The following ANKRD36B variants were observed in gnomAD, a reference collection of about 807,000 sequenced individuals.
ANKRD36B encodes the protein ankyrin repeat domain 36B, also known as ankyrin repeat domain-containing protein 36B.
Under a neutral mutation model 135.7 loss-of-function variants are expected in ANKRD36B, and 37 were observed. The observed-to-expected ratio is 0.27, with a 90% CI of 0.21 to 0.36. ANKRD36B has a LOEUF of 0.36. ANKRD36B is among the 10% of genes least tolerant of loss of function. The pLI is 1.00. For synonymous variants in ANKRD36B, 179 were observed against 348.1 expected (o/e 0.51, Z 5.41); for missense variants, 549 against 1,037.1 (o/e 0.53, Z 6.46).
Position 97,578,960 on chromosome 2 carries a change from C to T in ANKRD36B, c.641G>A (p.Arg214Gln), listed in dbSNP as rs767068381. 1.4e-5 allele frequency: 23 copies of T among 1,612,844 alleles called. No homozygotes were observed. Among genetic ancestry groups the T allele is most frequent in the African/African-American group, 5.3e-5 (4 of 74,840 alleles). The change falls in exon 5 of 44, where the codon CGA becomes CAA. Residue 214 changes from arginine to glutamine, a missense_variant. Transcript: ENST00000359901. ...TTCTGCAAGCTTTCCATACACATCT[C>T]GAGAAAACACATCAATATTGTGCTG... Reference protein sequence around the residue: ...LLQHNIDVFSRDVYGKLAEDY... With the variant: ...LLQHNIDVFSQDVYGKLAEDY...
chr2:97,547,604 G>C lies in ANKRD36B; in HGVS notation c.1511C>G (p.Thr504Arg), dbSNP rs761403604. The C allele has an allele frequency of 6.4e-7, 1 of 1,573,536 alleles. No homozygotes were observed. The highest frequency in any genetic ancestry group is 1.4e-5 in the African/African-American group (1 of 73,810). Reference protein sequence around the residue: ...SFEQPPGLKATRDEKDSLLNI... With the variant: ...SFEQPPGLKARRDEKDSLLNI... ...CAAAAGAGAATCTTTCTCGTCTCTTGTAGCCTGAATGGAATTTGAAATGAA... is the reference window on the plus strand; with the variant it reads ...CAAAAGAGAATCTTTCTCGTCTCTTCTAGCCTGAATGGAATTTGAAATGAA... The change falls in exon 22 of 44, where the codon ACA becomes AGA. Residue 504 changes from threonine (T) to arginine (R), a missense_variant. Transcript: ENST00000359901.
At position 97,574,380 on chromosome 2, in the gene ANKRD36B, C is replaced by T. The variant is rs371778708; in HGVS notation, c.763+1999G>A. On this transcript the variant is annotated intron_variant, in intron 6 of 43. Coordinates refer to ENST00000359901, the MANE Select transcript of ANKRD36B (RefSeq NM_001393939.1). ...GTTAGAATGGCAATCATTAAAACGTCAGGAAACAACAGGTGCTGGAGAGGA... is the reference window on the plus strand; with the variant it reads ...GTTAGAATGGCAATCATTAAAACGTTAGGAAACAACAGGTGCTGGAGAGGA... Among the ~76,000 whole-genome samples the T allele has an allele frequency of 3.9e-3, 598 of 152,284 alleles. 5 individuals carry two copies. Among genetic ancestry groups the T allele is most frequent in the East Asian group, 0.013 (65 of 5,182 alleles).
rs772619874 is a variant in ANKRD36B at position 97,553,221 on chromosome 2, C to A, written c.1220G>T (p.Gly407Val). 15 of 1,610,774 alleles carry A rather than the reference C, an allele frequency of 9.3e-6. No homozygotes were observed. Among genetic ancestry groups the A allele is most frequent in the Admixed American group, 6.7e-5 (4 of 59,710 alleles). Residue 407 changes from glycine (G) to valine (V), a missense_variant, in exon 16 of 44, where the codon GGT (glycine) becomes GTT (valine). By Grantham distance (109) the Gly-to-Val change is moderately radical. Coordinates refer to ENST00000359901, the MANE Select transcript of ANKRD36B (RefSeq NM_001393939.1). ...QALKATTDEEGSVSNIATEIK... is the reference protein window; with the variant it reads ...QALKATTDEEVSVSNIATEIK... ...TTCTGTGGCTATATTAGAAACAGAA[C>A]CTTCCTCGTCAGTTGTAGCCTGAAT...
Position 97,553,396 on chromosome 2 carries a change from T to G in ANKRD36B, c.1172-25A>C, listed in dbSNP as rs759857801. On this transcript the variant is annotated intron_variant, in intron 14 of 43. Transcript: ENST00000359901. The stretch of plus-strand genomic sequence containing the variant: ...ACTGAAAAGCAAAAGGGATACATAA[T>G]CACTCATATGTAAATATGATACATT... 6 of 1,603,814 alleles carry G rather than the reference T, an allele frequency of 3.7e-6. No individual in the cohort carries two copies. The Admixed American group carries it at 1.0e-4, about 27-fold the overall frequency.
chr2:97,579,110 C>T, intron 4 of ANKRD36B, 67 bp from the exon 5 acceptor site: 1 of 1,392,808 alleles, frequency 7.2e-7, no homozygotes, highest in Admixed American at 2.2e-5. Context: ...TATACTTTAT[C>T]AACTTAACAT....
At chr2:97,581,872 G>A (rs1215407244) in intron 3 of ANKRD36B, among the ~76,000 whole-genome samples, 2 of 151,762 alleles carry the variant, frequency 1.3e-5, no homozygotes, top group African/African-American at 2.4e-5. Flanking sequence ...GTGCCATCTC[G>A]GCTCACTGCA....
intron 14 of ANKRD36B, 81 bp downstream of exon 14, chr2:97,554,979 C>T (rs1023259474): frequency 8.0e-6 from 12 of 1,503,314 alleles, no homozygotes; most frequent in African/African-American, 5.5e-5. Context: ...TTTGATGAGC[C>T]CCCCCACTGA....
At position 97,552,941 on chromosome 2, in the gene ANKRD36B, C is replaced by T. The variant is rs2080193616; in HGVS notation, c.1273+227G>A. Among the ~76,000 whole-genome samples, 5 of 152,010 alleles carry T rather than the reference C, an allele frequency of 3.3e-5. No individual in the cohort carries two copies. The South Asian group carries it at 1.0e-3, about 32-fold the overall frequency. ...ACCTCTCTCCAATATTTCTTCTTCC[C>T]AATTTCAATGTGGGGAAGTGTATAA... is the stretch of plus-strand genomic sequence containing the variant. On this transcript the variant is annotated intron_variant, in intron 16 of 43. Coordinates refer to ENST00000359901, the MANE Select transcript of ANKRD36B (RefSeq NM_001393939.1).
Position 97,551,366 on chromosome 2 carries a change from A to C in ANKRD36B, c.1303-5T>G. Reference sequence around the variant, plus strand: ...ATCTTTCTCATCACTTGTGGCCTGAATGGAATTTGAAACAAAATAATAAAT... The same window carrying C: ...ATCTTTCTCATCACTTGTGGCCTGACTGGAATTTGAAACAAAATAATAAAT... On this transcript the variant is annotated splice_region_variant and splice_polypyrimidine_tract_variant and intron_variant, in intron 17 of 43. Coordinates refer to ENST00000359901, the MANE Select transcript of ANKRD36B (RefSeq NM_001393939.1). 1 of 1,599,092 alleles carries C rather than the reference A, an allele frequency of 6.3e-7. No homozygotes were observed. The highest frequency in any genetic ancestry group is 8.5e-7 in the Non-Finnish European group (1 of 1,175,380).
chr2:97,550,693 C>A (rs548768617), intron 18 of ANKRD36B, among the ~76,000 whole-genome samples: 2 of 151,676 alleles, frequency 1.3e-5, no homozygotes, highest in Admixed American at 6.6e-5. Context: ...GCTTCCAGCA[C>A]TTGCTGGAGT....
chr2:97,553,108 G>A (rs1576962600), intron 16 of ANKRD36B, 60 bp downstream of exon 16: 10 of 1,567,308 alleles, frequency 6.4e-6, no homozygotes, highest in East Asian at 2.3e-5. Context: ...TTTATTAGGG[G>A]TAGAGAAGTT....
intron 22 of ANKRD36B, among the ~76,000 whole-genome samples, chr2:97,546,224 C>T (rs896055646): frequency 1.4e-4 from 21 of 151,726 alleles, no homozygotes; most frequent in Non-Finnish European, 2.7e-4. Context: ...TACATGATCC[C>T]ACATGTCTTT....
In ANKRD36B at chr2:97,527,967, T is replaced by C. The variant is rs1576827941; in HGVS notation, c.2265+4344A>G. On this transcript the variant is annotated intron_variant, in intron 35 of 43. Transcript: ENST00000359901. ...ACAATAATAATGGGAGACTTTAACA[T>C]CCCACTGTCAACATTAGACAGATCA... 2.1e-5 allele frequency among the ~76,000 whole-genome samples: 2 copies of C among 95,274 alleles called. 1 individual carries two copies. The highest frequency in any genetic ancestry group is 4.7e-4 in the East Asian group (2 of 4,266). The allele number at this position is 95,274 out of a possible 152,430, so 62.5% of individuals were successfully genotyped here.
intron 6 of ANKRD36B, among the ~76,000 whole-genome samples, chr2:97,572,907 T>A (rs1453827159): frequency 2.6e-5 from 4 of 151,924 alleles, no homozygotes; most frequent in African/African-American, 9.7e-5. Flanking sequence ...ACTGCTCGTC[T>A]GTAGGCTACT....
Position 97,585,407 on chromosome 2 carries a change from G to C in ANKRD36B, c.162-9C>G. The C allele has an allele frequency of 6.4e-7, 1 of 1,558,896 alleles. No individual in the cohort carries two copies. On this transcript the variant is annotated splice_polypyrimidine_tract_variant and intron_variant, in intron 1 of 43. Transcript: ENST00000359901. The stretch of plus-strand genomic sequence containing the variant: ...CCAAATGTAGGGCAGTCCTGTGAGA[G>C]TGACAGGACTTTTTAAAACATGTAA...
chr2:97,564,140 T>C (rs1368544159), intron 6 of ANKRD36B, among the ~76,000 whole-genome samples: 1 of 151,764 alleles, frequency 6.6e-6, no homozygotes, highest in African/African-American at 2.4e-5. Context: ...TTAATGTGCA[T>C]TTGGGTGATT....
chr2:97,532,412 T>A (rs2078645031), intron 34 of ANKRD36B, 28 bp from the exon 35 acceptor site: 1 of 504,054 alleles, frequency 2.0e-6, no homozygotes, highest in African/African-American at 2.2e-5. Flanking sequence ...TTAGTTAAAA[T>A]GAGCTACACA....
intron 6 of ANKRD36B, among the ~76,000 whole-genome samples, chr2:97,575,769 A>C (rs1250821486): frequency 1.3e-5 from 2 of 152,008 alleles, no homozygotes; most frequent in Non-Finnish European, 2.9e-5. Context: ...AATTTACTTT[A>C]TTTTACCGTG....
intron 6 of ANKRD36B, among the ~76,000 whole-genome samples, chr2:97,574,468 G>A (rs1255899377): frequency 6.6e-6 from 1 of 152,178 alleles, no homozygotes; most frequent in Non-Finnish European, 1.5e-5. Flanking sequence ...AACCATTGTG[G>A]AAGTCAGTGT....
Sources: gnomAD v4.1 joint callset for allele counts (sites outside exome capture counted in the v4.1 genomes callset) on GRCh38, gnomAD v4.1.1 for gene constraint, MANE v1.5 for transcripts, NCBI Gene and HGNC (gene_info 2026-07-23, HGNC 2026-07-21) for gene names.